THNSL1: variants seen among roughly 807,000 people sequenced by gnomAD.
The protein encoded by THNSL1 is threonine synthase-like 1.
THNSL1 carries 48 observed loss-of-function variants against 50.4 expected under a neutral mutation model. That is an observed-to-expected ratio of 0.95 (90% CI 0.76 to 1.21). The LOEUF is 1.21. THNSL1 is among the 50% of genes most tolerant of loss of function. The pLI is 0.00. For synonymous variants in THNSL1, 309 were observed against 306.1 expected (o/e 1.01, Z -0.10); for missense variants, 896 against 871.7 (o/e 1.03, Z -0.35).
upstream of THNSL1, chr10:25,016,092 C>T: frequency 7.5e-7 from 1 of 1,328,108 alleles, no homozygotes; most frequent in Non-Finnish European, 9.7e-7. Context: ...TTAACCCCCT[C>T]TTAGCAGTCC....
chr10:25,024,959 T>TGGCTAATAAAGATGGAC lies in THNSL1; in HGVS notation c.1737_1753dup (p.Gln585ArgfsTer8), dbSNP rs746849747. On this transcript the variant is annotated frameshift_variant, in exon 3 of 3. Coordinates refer to ENST00000376356, the MANE Select transcript of THNSL1 (RefSeq NM_024838.5). LOFTEE classifies it high-confidence loss of function. ...AACCTAGAACGACATTTACACTTGA[T>TGGCTAATAAAGATGGAC]GGCTAATAAAGATGGACAGCTAATG... 7 of 1,614,050 alleles carry TGGCTAATAAAGATGGAC rather than the reference T, an allele frequency of 4.3e-6. No individual in the cohort carries two copies. In the African/African-American group the frequency reaches 8.0e-5, roughly 18 times the overall value.
chr10:24,956,290 C>T, the THNSL1 span, among the ~76,000 whole-genome samples: 1,845 of 152,112 alleles, frequency 0.012, 16 homozygotes, highest in Non-Finnish European at 0.019. Flanking sequence ...ACCCTCCTCC[C>T]GCCCTCCACC....
At chr10:24,952,467 A>G in the THNSL1 span, 1 of 1,513,330 alleles carries the variant, frequency 6.6e-7, no homozygotes, top group Non-Finnish European at 9.0e-7. This position sits in a 1 kb window ranked among gnomAD's most constrained non-coding sequence, Gnocchi z 5.1. Flanking sequence ...TTAATCTACA[A>G]GCAGGGTGCC....
chr10:25,020,327 AAC>A (rs1374213305), intron 1 of THNSL1, among the ~76,000 whole-genome samples: 1 of 151,178 alleles, frequency 6.6e-6, no homozygotes, highest in Admixed American at 6.6e-5. Context: ...AAAATTTAAA[AAC>A]AAGAGGGTAG....
At chr10:24,952,590 ACGCGGGAAGGGAAGACGG>A in the THNSL1 span, 4 of 1,491,632 alleles carry the variant, frequency 2.7e-6, no homozygotes, top group African/African-American at 2.9e-5. This position sits in a 1 kb window ranked among gnomAD's most constrained non-coding sequence, Gnocchi z 5.1. Context: ...CTCCCGGGGA[ACGCGGGAAGGGAAGACGG>A]CGCGGGAAGG....
the THNSL1 span, among the ~76,000 whole-genome samples, chr10:25,005,751 G>T: frequency 2.0e-5 from 3 of 152,182 alleles, no homozygotes; most frequent in Admixed American, 2.0e-4. Flanking sequence ...CCCCCAGCCT[G>T]GTTGTCTGTC....
At position 25,024,214 on chromosome 10, in the gene THNSL1, A is replaced by T; in HGVS notation, c.991A>T (p.Arg331Trp). The T allele has an allele frequency of 1.9e-6, 3 of 1,614,222 alleles. No homozygotes were observed. The highest frequency in any genetic ancestry group is 2.5e-6 in the Non-Finnish European group (3 of 1,180,036). Residue 331 changes from arginine to tryptophan, a missense_variant, in exon 3 of 3, where the codon AGG (arginine) becomes TGG (tryptophan). By Grantham distance (101) the Arg-to-Trp change is moderately radical (BLOSUM62 -3). Coordinates refer to ENST00000376356, the MANE Select transcript of THNSL1 (RefSeq NM_024838.5). Reference sequence around the variant, plus strand: ...TGCCTGCTCAAAAATTGCTCCTGTCAGGCACCTTTCAGGCAACCAGTTCAT... The same window carrying T: ...TGCCTGCTCAAAAATTGCTCCTGTCTGGCACCTTTCAGGCAACCAGTTCAT... ...NFACSKIAPV[R>W]HLSGNQFILE...
At chr10:25,008,555 C>G in the THNSL1 span, among the ~76,000 whole-genome samples, 1 of 152,190 alleles carries the variant, frequency 6.6e-6, no homozygotes, top group East Asian at 1.9e-4. Context: ...GGATGGGAAG[C>G]TCCAAAAATG....
chr10:25,016,272 G>A (rs973617295), upstream of THNSL1: 1 of 744,914 alleles, frequency 1.3e-6, no homozygotes, highest in African/African-American at 1.9e-5. Flanking sequence ...AGCTCATTTG[G>A]AAGCCACTGT....
In THNSL1 at chr10:25,025,626, CA is replaced by C; in HGVS notation, c.*172del. On this transcript the variant is annotated 3_prime_UTR_variant, in exon 3 of 3. Coordinates refer to ENST00000376356, the MANE Select transcript of THNSL1 (RefSeq NM_024838.5). The stretch of plus-strand genomic sequence containing the variant: ...ACATGAGAACTCCATGTCACCTCCT[CA>C]GATCTTTAATCTGGAAGTGACAAAA... The C allele has an allele frequency of 1.6e-6, 1 of 640,250 alleles. No individual in the cohort carries two copies. The highest frequency in any genetic ancestry group is 2.7e-6 in the Non-Finnish European group (1 of 369,032). The allele number at this position is 640,250 out of a possible 1,614,324, so 39.7% of individuals were successfully genotyped here.
At chr10:25,017,523 A>C (rs1406951718) in intron 1 of THNSL1, among the ~76,000 whole-genome samples, 1 of 151,750 alleles carries the variant, frequency 6.6e-6, no homozygotes, top group African/African-American at 2.4e-5. Context: ...TGGCCTGGTG[A>C]ACCTTTTAGT....
At chr10:24,968,423 A>G in the THNSL1 span, among the ~76,000 whole-genome samples, 9 of 152,048 alleles carry the variant, frequency 5.9e-5, no homozygotes, top group Admixed American at 4.6e-4. Flanking sequence ...TCTTCAACCC[A>G]TCTCTACCTC....
intron 1 of THNSL1, among the ~76,000 whole-genome samples, chr10:25,017,325 C>CT (rs1850622941): frequency 6.6e-6 from 1 of 152,158 alleles, no homozygotes; most frequent in South Asian, 2.1e-4. Context: ...CATTTAGACG[C>CT]TTTTACCCGA....
the THNSL1 span, chr10:24,990,529 G>C: frequency 6.6e-5 from 106 of 1,613,918 alleles, no homozygotes; most frequent in Non-Finnish European, 8.6e-5. Flanking sequence ...GGTTTTCCTG[G>C]ATATAACGAT....
In THNSL1 at chr10:25,026,638, T is replaced by A. The variant is rs943343038; in HGVS notation, c.*1183T>A. The A allele has an allele frequency of 4.9e-5, 8 of 162,614 alleles. No individual in the cohort carries two copies. Among genetic ancestry groups the A allele is most frequent in the Non-Finnish European group, 1.2e-4 (8 of 68,106 alleles). 10.1% of individuals were successfully genotyped at this position (162,614 alleles called of 1,614,324 possible). ...TTTGTGAATTTACTGGATGTTTTCTTTCTGAATTAAAGATTGTCAAGACCA... is the reference window on the plus strand; with the variant it reads ...TTTGTGAATTTACTGGATGTTTTCTATCTGAATTAAAGATTGTCAAGACCA... On this transcript the variant is annotated 3_prime_UTR_variant, in exon 3 of 3. Transcript: ENST00000376356.
At chr10:24,999,540 T>C in the THNSL1 span, 1 of 1,604,808 alleles carries the variant, frequency 6.2e-7, no homozygotes, top group Non-Finnish European at 8.5e-7. Flanking sequence ...TAAAAATGGA[T>C]ATGTACCTAA....
the THNSL1 span, among the ~76,000 whole-genome samples, chr10:24,972,098 A>G: frequency 6.6e-6 from 1 of 152,074 alleles, no homozygotes; most frequent in African/African-American, 2.4e-5. Context: ...AGGCTGAGGC[A>G]TGAGAATCAC....
chr10:24,984,536 G>A, the THNSL1 span: 23 of 1,125,052 alleles, frequency 2.0e-5, no homozygotes, highest in African/African-American at 3.2e-5. Context: ...TGTGGAAAAC[G>A]TGACACTAGT....
chr10:24,989,729 A>G, the THNSL1 span, among the ~76,000 whole-genome samples: 1 of 152,250 alleles, frequency 6.6e-6, no homozygotes. Context: ...GAGATTAATA[A>G]TAAACTAGAA....
Sources: allele counts gnomAD v4.1 joint callset (sites outside exome capture counted in the v4.1 genomes callset), GRCh38; gene constraint gnomAD v4.1.1; non-coding constraint Gnocchi (gnomAD v3.1); transcripts MANE v1.5; gene names NCBI Gene and HGNC (gene_info 2026-07-23, HGNC 2026-07-21).